The following NRXN3 variants were observed in gnomAD, a reference collection of about 807,000 sequenced individuals.
The protein encoded by NRXN3 is neurexin III.
NRXN3 carries 32 observed loss-of-function variants against 137.6 expected under a neutral mutation model. The observed-to-expected ratio is 0.23, with a 90% CI of 0.18 to 0.31. The LOEUF is 0.31. NRXN3 is among the 10% of genes least tolerant of loss of function. The probability of loss-of-function intolerance (pLI) is 1.00; values close to 1 mark genes in which losing one functional copy is unlikely to be tolerated. For missense variants in NRXN3, 1,574 were observed against 2,062.5 expected (o/e 0.76, Z 4.59); for synonymous variants, 798 against 784.5 (o/e 1.02, Z -0.29).
chr14:79,664,874 A>C (rs868663299), intron 17 of NRXN3, among the ~76,000 whole-genome samples: 13 of 152,134 alleles, frequency 8.5e-5, no homozygotes, highest in African/African-American at 3.1e-4. Context: ...TAATGTGGGC[A>C]TGAAGTGATG....
rs543823777 is a variant in NRXN3, at chr14:78,828,395, G to A, written c.2275+18051G>A. Among the ~76,000 whole-genome samples the A allele has an allele frequency of 9.8e-5, 15 of 152,294 alleles. No individual in the cohort carries two copies. The South Asian group carries it at 2.9e-3, about 29-fold the overall frequency. On this transcript the variant is annotated intron_variant, in intron 10 of 20. Transcript: ENST00000335750. The stretch of plus-strand genomic sequence containing the variant: ...TGGAGAGTTGGTGGTCCACTCTAAA[G>A]TGTCCATATAGAAGTTGGCTAACTT...
intron 4 of NRXN3, among the ~76,000 whole-genome samples, chr14:78,447,893 G>T (rs1258975335): frequency 6.6e-6 from 1 of 152,136 alleles, no homozygotes; most frequent in Non-Finnish European, 1.5e-5. Context: ...AGATACAGTT[G>T]TAAAAATGGG....
chr14:78,450,947 G>A (rs1336248296), intron 4 of NRXN3, among the ~76,000 whole-genome samples: 1 of 152,126 alleles, frequency 6.6e-6, no homozygotes, highest in Non-Finnish European at 1.5e-5. Flanking sequence ...GAATACATGT[G>A]TGCATGGTCT....
At chr14:79,034,776 C>T (rs751826164) in intron 15 of NRXN3, among the ~76,000 whole-genome samples, 5 of 151,866 alleles carry the variant, frequency 3.3e-5, no homozygotes, top group Admixed American at 6.6e-5. Flanking sequence ...AAAAATTGTA[C>T]GTGATTATTA....
chr14:79,683,931 C>T (rs1022994801), intron 17 of NRXN3, among the ~76,000 whole-genome samples: 1 of 152,166 alleles, frequency 6.6e-6, no homozygotes, highest in Admixed American at 6.6e-5. Context: ...GTGTTTTACT[C>T]TGTAGAATCA....
intron 10 of NRXN3, among the ~76,000 whole-genome samples, chr14:78,909,754 G>T (rs990551450): frequency 1.1e-4 from 16 of 152,100 alleles, no homozygotes; most frequent in South Asian, 6.2e-4. Context: ...TCTGACAAAA[G>T]TGTCTTGCAC....
chr14:78,665,515 T>C (rs1217204314), intron 6 of NRXN3, among the ~76,000 whole-genome samples: 2 of 152,098 alleles, frequency 1.3e-5, no homozygotes, highest in African/African-American at 4.8e-5. Flanking sequence ...CACGTGGGGA[T>C]TATGGGAACT....
intron 15 of NRXN3, among the ~76,000 whole-genome samples, chr14:79,068,770 G>A (rs968838716): frequency 1.3e-5 from 2 of 152,032 alleles, no homozygotes; most frequent in African/African-American, 4.8e-5. Flanking sequence ...ATAATATTCA[G>A]TGAATACGTA....
At chr14:78,223,183 A>G (rs1336184595) in intron 1 of NRXN3, among the ~76,000 whole-genome samples, 1 of 152,208 alleles carries the variant, frequency 6.6e-6, no homozygotes, top group Non-Finnish European at 1.5e-5. Flanking sequence ...CAGTTTGTCC[A>G]CCTGCAAAAG....
At position 79,498,781 on chromosome 14, in the gene NRXN3, C is replaced by G. The variant is rs1445348946; in HGVS notation, c.3444+31379C>G. Among the ~76,000 whole-genome samples the G allele has an allele frequency of 2.0e-5, 3 of 152,254 alleles. No homozygotes were observed. In the East Asian group the frequency reaches 5.8e-4, roughly 29 times the overall value. ...TCCAGCTGGTATGTTTGTTTCCAAT[C>G]TTTTATTTCATTATTTTTTAAGAGA... On this transcript the variant is annotated intron_variant, in intron 16 of 20. Transcript: ENST00000335750.
intron 2 of NRXN3, among the ~76,000 whole-genome samples, chr14:78,251,000 A>G (rs1331861396): frequency 6.6e-6 from 1 of 152,156 alleles, no homozygotes. Context: ...ATGAAAATGA[A>G]TGAATATGAG....
intron 2 of NRXN3, among the ~76,000 whole-genome samples, chr14:78,270,724 TA>T (rs1307871438): frequency 1.3e-5 from 2 of 152,266 alleles, no homozygotes; most frequent in Admixed American, 6.5e-5. Context: ...TGAACAACTT[TA>T]TATGGATTAT....
intron 16 of NRXN3, among the ~76,000 whole-genome samples, chr14:79,511,555 T>C (rs2096932571): frequency 6.6e-6 from 1 of 152,232 alleles, no homozygotes; most frequent in African/African-American, 2.4e-5. Flanking sequence ...AGATTTTCTT[T>C]GTATTAGGTA....
chr14:79,072,063 A>G (rs1568188778), intron 15 of NRXN3: 1 of 151,384 alleles, frequency 6.6e-6, no homozygotes, highest in East Asian at 2.0e-4. Context: ...GCCCTTGATT[A>G]TCATTCATCT....
chr14:79,506,183 AG>A, intron 16 of NRXN3, among the ~76,000 whole-genome samples: 1 of 152,324 alleles, frequency 6.6e-6, no homozygotes, highest in East Asian at 1.9e-4. Flanking sequence ...AGCAAATTAC[AG>A]GTCTCATATA....
At chr14:79,272,979 T>G (rs2035152418) in intron 15 of NRXN3, among the ~76,000 whole-genome samples, 1 of 151,846 alleles carries the variant, frequency 6.6e-6, no homozygotes, top group Non-Finnish European at 1.5e-5. Flanking sequence ...GAGACCATCC[T>G]GGCTAACATG....
intron 4 of NRXN3, among the ~76,000 whole-genome samples, chr14:78,541,973 A>G (rs774165983): frequency 7.9e-5 from 12 of 152,200 alleles, no homozygotes; most frequent in Non-Finnish European, 2.9e-5. Flanking sequence ...AATATTGCAG[A>G]ACAGCAAATA....
intron 8 of NRXN3, among the ~76,000 whole-genome samples, chr14:78,728,334 C>A (rs1418394703): frequency 6.6e-6 from 1 of 152,058 alleles, no homozygotes; most frequent in Non-Finnish European, 1.5e-5. Flanking sequence ...ATTATCCAAA[C>A]CTTACATTAT....
chr14:78,452,107 T>G (rs1032359036), intron 4 of NRXN3, among the ~76,000 whole-genome samples: 17 of 152,222 alleles, frequency 1.1e-4, no homozygotes. Context: ...TGCTAAATTT[T>G]TATGTGCATA....
Sources: allele counts gnomAD v4.1 joint callset (sites outside exome capture counted in the v4.1 genomes callset), GRCh38; gene constraint gnomAD v4.1.1; transcripts MANE v1.5; gene names NCBI Gene and HGNC (gene_info 2026-07-23, HGNC 2026-07-21).